Variants in TTC28 observed in about 807,000 individuals in gnomAD.
TTC28 encodes tetratricopeptide repeat domain 28.
In TTC28, 61 loss-of-function variants were observed where a neutral mutation model predicts 198.0. The ratio of observed to expected loss-of-function variants is 0.31; its 90% CI spans 0.25 to 0.38. TTC28 has a LOEUF of 0.38. Ranked by LOEUF, TTC28 falls within the 10% of genes least tolerant of loss-of-function variation. The pLI is 1.00. For synonymous variants in TTC28, 1,171 were observed against 1,297.8 expected, an observed-to-expected ratio of 0.90 and a Z score of 2.10; for missense variants, 2,678 against 3,164.0, an observed-to-expected ratio of 0.85 and a Z score of 3.69.
In TTC28 at chr22:28,169,258, G is replaced by A. The variant is rs112388808; in HGVS notation, c.934-5659C>T. Reference sequence around the variant, plus strand: ...AACTAGTTCAACCATTGTGGAAGTCGGTGTGGTGATTCCTCAGGGATCTAG... The same window carrying A: ...AACTAGTTCAACCATTGTGGAAGTCAGTGTGGTGATTCCTCAGGGATCTAG... On this transcript the variant is annotated intron_variant, in intron 5 of 22. Transcript: ENST00000397906. 1.2e-3 allele frequency among the ~76,000 whole-genome samples: 180 copies of A among 152,190 alleles called. 1 individual carries two copies. The highest frequency in any genetic ancestry group is 3.8e-3 in the African/African-American group (156 of 41,538).
chr22:28,044,042 T>G (rs1939767412), intron 12 of TTC28, among the ~76,000 whole-genome samples: 1 of 152,144 alleles, frequency 6.6e-6, no homozygotes, highest in Admixed American at 6.5e-5. Flanking sequence ...AAACCCACTG[T>G]AGGGGCTAGC....
At chr22:28,006,093 G>T (rs887431710) in intron 14 of TTC28, among the ~76,000 whole-genome samples, 1 of 152,206 alleles carries the variant, frequency 6.6e-6, no homozygotes, top group African/African-American at 2.4e-5. Flanking sequence ...TAGGGGGTCT[G>T]AGGGGAGGCC....
intron 5 of TTC28, among the ~76,000 whole-genome samples, chr22:28,196,014 T>A (rs981734421): frequency 5.3e-5 from 8 of 151,848 alleles, no homozygotes; most frequent in Non-Finnish European, 1.0e-4. Context: ...GCTGGAGGCA[T>A]CACGCTACCT....
chr22:28,420,109 G>A (rs2047225385), intron 2 of TTC28, among the ~76,000 whole-genome samples: 1 of 152,166 alleles, frequency 6.6e-6, no homozygotes, highest in Non-Finnish European at 1.5e-5. Flanking sequence ...CACCCCAGAT[G>A]ACTGCTGATT....
intron 2 of TTC28, among the ~76,000 whole-genome samples, chr22:28,379,390 A>G (rs2046462066): frequency 6.6e-6 from 1 of 152,208 alleles, no homozygotes; most frequent in Admixed American, 6.5e-5. Flanking sequence ...TTTCTATTGA[A>G]GAATACATAA....
At chr22:28,193,543 T>C (rs1677711193) in intron 5 of TTC28, among the ~76,000 whole-genome samples, 1 of 152,018 alleles carries the variant, frequency 6.6e-6, no homozygotes, top group African/African-American at 2.4e-5. Flanking sequence ...AGGAGACCCA[T>C]CTCACGTGCA....
chr22:28,568,885 G>A (rs918861082), intron 2 of TTC28, among the ~76,000 whole-genome samples: 7 of 152,004 alleles, frequency 4.6e-5, no homozygotes, highest in Admixed American at 1.3e-4. Flanking sequence ...GGTGACTTAC[G>A]CCTGTAATCC....
At chr22:28,083,257 C>T (rs1027988567) in intron 12 of TTC28, among the ~76,000 whole-genome samples, 2 of 151,818 alleles carry the variant, frequency 1.3e-5, no homozygotes, top group Non-Finnish European at 2.9e-5. Flanking sequence ...CTCAGAGACC[C>T]CTGAGCTAGA....
At chr22:28,146,356 A>C (rs1410254687) in intron 6 of TTC28, among the ~76,000 whole-genome samples, 1 of 152,218 alleles carries the variant, frequency 6.6e-6, no homozygotes, top group East Asian at 1.9e-4. Flanking sequence ...GGTGCTTCTT[A>C]TTCCCTCTGT....
rs187925427 is a variant in TTC28, at chr22:28,050,855, A to G, written c.3933-20489T>C. Among the ~76,000 whole-genome samples, 142 of 152,344 alleles carry G rather than the reference A, an allele frequency of 9.3e-4. 1 individual carries two copies. Among genetic ancestry groups the G allele is most frequent in the African/African-American group, 3.2e-3 (135 of 41,584 alleles). ...CCCTCAGAGTTGTTATAAATACAAC[A>G]AACCCCAATATGTCATAATGAAAAT... is the stretch of plus-strand genomic sequence containing the variant. On this transcript the variant is annotated intron_variant, in intron 12 of 22. Coordinates refer to ENST00000397906, the MANE Select transcript of TTC28 (RefSeq NM_001145418.2).
chr22:28,359,029 T>A (rs2046119230), intron 2 of TTC28, among the ~76,000 whole-genome samples: 1 of 152,110 alleles, frequency 6.6e-6, no homozygotes, highest in Non-Finnish European at 1.5e-5. Flanking sequence ...TATAACAAAA[T>A]CAATTCCTAA....
chr22:28,506,094 C>A (rs920383164), intron 2 of TTC28, among the ~76,000 whole-genome samples: 2 of 152,052 alleles, frequency 1.3e-5, no homozygotes, highest in South Asian at 2.1e-4. Flanking sequence ...GACCTTCCTG[C>A]GGTGGCTTCA....
chr22:28,311,088 A>G (rs188764027), intron 2 of TTC28, among the ~76,000 whole-genome samples: 1 of 152,244 alleles, frequency 6.6e-6, no homozygotes, highest in African/African-American at 2.4e-5. Flanking sequence ...CTACTTTAAT[A>G]TTCTTAGTCG....
At chr22:28,084,776 G>A (rs1188563075) in intron 12 of TTC28, among the ~76,000 whole-genome samples, 2 of 152,090 alleles carry the variant, frequency 1.3e-5, no homozygotes, top group African/African-American at 2.4e-5. Context: ...AAAATTAGAC[G>A]AATGGATAAC....
chr22:28,249,244 A>G (rs1930339856), intron 5 of TTC28, among the ~76,000 whole-genome samples: 1 of 152,158 alleles, frequency 6.6e-6, no homozygotes, highest in African/African-American at 2.4e-5. Flanking sequence ...AATGAGGACA[A>G]GAACAGTATC....
chr22:28,070,455 A>C (rs1940923178), intron 12 of TTC28, among the ~76,000 whole-genome samples: 1 of 152,172 alleles, frequency 6.6e-6, no homozygotes, highest in African/African-American at 2.4e-5. Context: ...ATTTCTGTAG[A>C]GAACAGGGAT....
intron 2 of TTC28, among the ~76,000 whole-genome samples, chr22:28,562,856 C>T (rs1013877825): frequency 1.8e-4 from 27 of 152,226 alleles, no homozygotes; most frequent in African/African-American, 5.5e-4. Flanking sequence ...AGCACAGTGG[C>T]TCATGCCTGT....
intron 2 of TTC28, among the ~76,000 whole-genome samples, chr22:28,553,399 G>T (rs369941980): frequency 6.6e-6 from 1 of 150,818 alleles, no homozygotes; most frequent in Non-Finnish European, 1.5e-5. Context: ...CTGCCCGGCC[G>T]CCCATCGTCT....
At chr22:28,170,684 G>A (rs897011557) in intron 5 of TTC28, among the ~76,000 whole-genome samples, 33 of 152,062 alleles carry the variant, frequency 2.2e-4, no homozygotes, top group Admixed American at 6.5e-4. Flanking sequence ...TTCTGTGACC[G>A]AAGGCTCACT....
Sources: allele counts gnomAD v4.1 joint callset (sites outside exome capture counted in the v4.1 genomes callset), GRCh38; gene constraint gnomAD v4.1.1; transcripts MANE v1.5; gene names NCBI Gene and HGNC (gene_info 2026-07-23, HGNC 2026-07-21).